The following SLC36A3 variants were observed in gnomAD, a reference collection of about 807,000 sequenced individuals.
The protein encoded by SLC36A3 is solute carrier family 36 member 3, also known as proton-coupled amino acid transporter 3.
In SLC36A3, 35 loss-of-function variants were observed where a neutral mutation model predicts 44.3. The observed-to-expected ratio is 0.79, with a 90% confidence interval of 0.60 to 1.05. SLC36A3 has a LOEUF of 1.05. SLC36A3 is among the 50% of genes least tolerant of loss of function. SLC36A3 has a pLI of 0.00. For missense variants in SLC36A3, 540 were observed against 578.7 expected (o/e 0.93, Z 0.69); for synonymous variants, 211 against 227.6 (o/e 0.93, Z 0.66).
Position 151,277,438 on chromosome 5 carries a change from T to G in SLC36A3, c.1368A>C (p.Gln456His), listed in dbSNP as rs750699612. The change falls in exon 10 of 10, where the codon CAA (glutamine) becomes CAC (histidine). Residue 456 changes from glutamine (Q) to histidine (H), a missense_variant. Physicochemically the swap from Gln to His is conservative, Grantham distance 24 (BLOSUM62 0). Coordinates refer to ENST00000335230, the MANE Select transcript of SLC36A3 (RefSeq NM_181774.4). The stretch of plus-strand genomic sequence containing the variant: ...AGTTGGCCATGGAATGGCTGATGGG[T>G]TGGGGCAACTCATAGAGGGCTTGGT... ...GTYQALYELP[Q>H]PISHSMANST... 6.2e-7 allele frequency: 1 copy of G among 1,614,066 alleles called. No individual in the cohort carries two copies. The highest frequency in any genetic ancestry group is 1.1e-5 in the South Asian group (1 of 91,060).
chr5:151,292,523 T>C (rs1754797557), intron 4 of SLC36A3, among the ~76,000 whole-genome samples: 1 of 152,198 alleles, frequency 6.6e-6, no homozygotes, highest in Non-Finnish European at 1.5e-5. Context: ...CCACCCTGCC[T>C]ACCTCACAAG....
At position 151,298,532 on chromosome 5, in the gene SLC36A3, G is replaced by A. The variant is rs1007554724; in HGVS notation, c.219+61C>T. 1.4e-5 allele frequency: 21 copies of A among 1,544,914 alleles called. No individual in the cohort carries two copies. The Admixed American group carries it at 3.2e-4, about 24-fold the overall frequency. On this transcript the variant is annotated intron_variant, in intron 2 of 9. Coordinates refer to ENST00000335230, the MANE Select transcript of SLC36A3 (RefSeq NM_181774.4). ...TTGATAACAGTGTGAAGGCCTTCAG[G>A]ACCTATCACCCCCTTCTGCAAATGA...
intron 1 of SLC36A3, among the ~76,000 whole-genome samples, chr5:151,300,166 G>A (rs1442499551): frequency 6.6e-6 from 1 of 152,224 alleles, no homozygotes; most frequent in Non-Finnish European, 1.5e-5. Flanking sequence ...CAGGTGGCCA[G>A]GAGAGCCAAA....
intron 9 of SLC36A3, among the ~76,000 whole-genome samples, chr5:151,279,197 G>T (rs1408251911): frequency 6.6e-6 from 1 of 152,204 alleles, no homozygotes; most frequent in Non-Finnish European, 1.5e-5. Context: ...GGACTCCCTG[G>T]CTCGGCCAGG....
intron 4 of SLC36A3, among the ~76,000 whole-genome samples, chr5:151,292,448 A>G (rs752036018): frequency 1.6e-4 from 25 of 152,128 alleles, no homozygotes; most frequent in Non-Finnish European, 1.0e-4. Flanking sequence ...ACCCATATCA[A>G]TGTCCATGCC....
At chr5:151,303,116 C>A in intron 1 of SLC36A3, 111 bp downstream of exon 1, 3 of 1,292,660 alleles carry the variant, frequency 2.3e-6, no homozygotes, top group Non-Finnish European at 3.1e-6. Context: ...CCACGCATAT[C>A]GTGTTAATGG....
intron 2 of SLC36A3, 72 bp downstream of exon 2, chr5:151,298,521 A>G (rs766425025): frequency 6.9e-6 from 10 of 1,455,970 alleles, no homozygotes; most frequent in Non-Finnish European, 9.6e-6. Context: ...TAACAGTGTG[A>G]AGGCCTTCAG....
At chr5:151,284,763 CCCAAAT>C in intron 6 of SLC36A3, 52 bp from the exon 7 acceptor site, 1 of 1,447,968 alleles carries the variant, frequency 6.9e-7, no homozygotes, top group South Asian at 1.3e-5. Flanking sequence ...TCGAAGTCAT[CCCAAAT>C]CTTTGCCTGG....
At chr5:151,297,376 G>C (rs1580824357) in intron 2 of SLC36A3, 1 of 152,328 alleles carries the variant, frequency 6.6e-6, no homozygotes, top group South Asian at 2.1e-4. Context: ...GATTCCAAAG[G>C]GGAGAGTCCA....
In SLC36A3 at chr5:151,301,147, C is replaced by G. The variant is rs113921788; in HGVS notation, c.128+2080G>C. 4.5e-3 allele frequency among the ~76,000 whole-genome samples: 691 copies of G among 152,304 alleles called. 6 individuals carry two copies. The highest frequency in any genetic ancestry group is 0.016 in the African/African-American group (651 of 41,560). ...ATCTTGCTTCTAACCTTTAAGATGTCCTTGTTTATTCCTGGACATAGGCTG... is the reference window on the plus strand; with the variant it reads ...ATCTTGCTTCTAACCTTTAAGATGTGCTTGTTTATTCCTGGACATAGGCTG... On this transcript the variant is annotated intron_variant, in intron 1 of 9. Transcript: ENST00000335230.
intron 2 of SLC36A3, chr5:151,298,201 C>T (rs1240745340): frequency 2.5e-5 from 4 of 161,130 alleles, no homozygotes; most frequent in Non-Finnish European, 5.4e-5. Context: ...TTGATGGAGG[C>T]GTCTATCTTC....
chr5:151,287,682 G>A (rs1253942944), intron 5 of SLC36A3, among the ~76,000 whole-genome samples: 3 of 152,080 alleles, frequency 2.0e-5, no homozygotes, highest in African/African-American at 4.8e-5. Context: ...CAACCCTGTC[G>A]GGCCCATGAT....
At chr5:151,284,747 A>ATGCC in intron 6 of SLC36A3, 36 bp from the exon 7 acceptor site, 1 of 1,549,928 alleles carries the variant, frequency 6.5e-7, no homozygotes, top group Non-Finnish European at 8.9e-7. Flanking sequence ...TGGTGTTGTT[A>ATGCC]TGGTGTCGAA....
intron 9 of SLC36A3, among the ~76,000 whole-genome samples, chr5:151,280,246 G>T (rs1313002761): frequency 6.6e-6 from 1 of 152,122 alleles, no homozygotes; most frequent in African/African-American, 2.4e-5. Flanking sequence ...CTTGAGATCA[G>T]GATTTTGAGA....
chr5:151,279,295 A>ACAATCATTGCAATG (rs946297870), intron 9 of SLC36A3, among the ~76,000 whole-genome samples: 9 of 151,392 alleles, frequency 5.9e-5, no homozygotes, highest in Non-Finnish European at 1.2e-4. Context: ...TCCCATCTTA[A>ACAATCATTGCAATG]CAATCATTGC....
intron 9 of SLC36A3, among the ~76,000 whole-genome samples, chr5:151,278,769 T>C (rs748409805): frequency 8.5e-5 from 13 of 152,172 alleles, no homozygotes; most frequent in South Asian, 2.1e-4. Context: ...CGATGGGAGG[T>C]CCCTGTCCAC....
intron 8 of SLC36A3, among the ~76,000 whole-genome samples, chr5:151,283,547 TCTCATCTA>T (rs1324926946): frequency 2.0e-5 from 3 of 152,248 alleles, no homozygotes; most frequent in African/African-American, 7.2e-5. Context: ...ACATTTATTG[TCTCATCTA>T]GTCATTATCA....
At chr5:151,286,772 T>C (rs1754550834) in intron 6 of SLC36A3, among the ~76,000 whole-genome samples, 1 of 152,210 alleles carries the variant, frequency 6.6e-6, no homozygotes, top group Admixed American at 6.5e-5. Context: ...AATAAGTTAA[T>C]GTATGTAAAT....
intron 6 of SLC36A3, 102 bp downstream of exon 6, chr5:151,287,144 A>G: frequency 8.4e-7 from 1 of 1,187,336 alleles, no homozygotes. Context: ...AGAGCAGAGG[A>G]TCACCTTCCT....
Sources: gnomAD v4.1 joint callset for allele counts (sites outside exome capture counted in the v4.1 genomes callset) on GRCh38, gnomAD v4.1.1 for gene constraint, MANE v1.5 for transcripts, NCBI Gene and HGNC (gene_info 2026-07-23, HGNC 2026-07-21) for gene names.